Variants in AGL observed in about 807,000 individuals in gnomAD.
AGL encodes the protein glycogen debranching enzyme.
A neutral mutation model predicts 199.3 loss-of-function variants in AGL; 128 were observed. That is an observed-to-expected ratio of 0.64 (90% CI 0.56 to 0.74). The LOEUF (loss-of-function observed/expected upper bound fraction) is 0.74, where lower values mean the gene tolerates loss of function less well. AGL is among the 30% of genes least tolerant of loss of function. AGL has a pLI of 0.00. For missense variants in AGL, 1,809 were observed against 1,820.8 expected, an observed-to-expected ratio of 0.99 and a Z score of 0.12; for synonymous variants, 584 against 594.7, an observed-to-expected ratio of 0.98 and a Z score of 0.26.
chr1:99,886,550 T>C (rs1652470270), intron 20 of AGL, among the ~76,000 whole-genome samples: 1 of 152,192 alleles, frequency 6.6e-6, no homozygotes, highest in Admixed American at 6.5e-5. Flanking sequence ...TTCTTACAGA[T>C]TACTTGAGTA....
chr1:99,904,041 A>G (rs1161083144), intron 27 of AGL, among the ~76,000 whole-genome samples: 1 of 152,138 alleles, frequency 6.6e-6, no homozygotes, highest in Non-Finnish European at 1.5e-5. Context: ...TCACATAGCT[A>G]CTAAGTGGTA....
chr1:99,920,296 T>C (rs572518774), intron 33 of AGL, among the ~76,000 whole-genome samples: 10 of 152,312 alleles, frequency 6.6e-5, no homozygotes, highest in Non-Finnish European at 1.3e-4. Context: ...CTGAAGGCAT[T>C]AGGGAAAGGT....
intron 7 of AGL, 86 bp downstream of exon 7, chr1:99,870,955 A>G: frequency 1.3e-6 from 1 of 791,408 alleles, no homozygotes; most frequent in Admixed American, 2.3e-5. Flanking sequence ...TAACGTCATT[A>G]TTAAATATGT....
chr1:99,859,670 G>C (rs1255704168), intron 2 of AGL, among the ~76,000 whole-genome samples: 1 of 152,078 alleles, frequency 6.6e-6, no homozygotes, highest in Non-Finnish European at 1.5e-5. Context: ...CCAGCCTCCT[G>C]AGTAGTTGGG....
At chr1:99,903,375 A>G (rs900686062) in intron 27 of AGL, among the ~76,000 whole-genome samples, 2 of 152,076 alleles carry the variant, frequency 1.3e-5, no homozygotes, top group African/African-American at 4.8e-5. Context: ...TATGAGTGAG[A>G]ACATGCGGTG....
chr1:99,851,469 T>C (rs530685617), intron 2 of AGL, among the ~76,000 whole-genome samples: 4 of 152,344 alleles, frequency 2.6e-5, no homozygotes, highest in African/African-American at 9.6e-5. Flanking sequence ...TCATATGTAA[T>C]TTTGCTTTGG....
chr1:99,863,987 G>C (rs1422429162), intron 4 of AGL, among the ~76,000 whole-genome samples: 2 of 152,048 alleles, frequency 1.3e-5, no homozygotes, highest in Non-Finnish European at 2.9e-5. Context: ...CATGAAGAAA[G>C]GAATGAGAAG....
chr1:99,892,582 G>A lies in AGL; in HGVS notation c.3234G>A (p.Glu1078=), dbSNP rs147184258. The A allele has an allele frequency of 1.9e-6, 3 of 1,613,354 alleles. No homozygotes were observed. The highest frequency in any genetic ancestry group is 2.7e-5 in the African/African-American group (2 of 74,890). The change falls in exon 24 of 34, where the codon GAG becomes GAA. Residue 1078 remains glutamate, a synonymous_variant. Coordinates refer to ENST00000361915, the MANE Select transcript of AGL (RefSeq NM_000642.3). ...TAAATGAGATCACAAAAGAAAAGGAGCAATGTTGTGTTTCTCTAGCTGCAG... is the reference window on the plus strand; with the variant it reads ...TAAATGAGATCACAAAAGAAAAGGAACAATGTTGTGTTTCTCTAGCTGCAG... The part of the protein sequence containing the change: ...YRLNEITKEK[E]QCCVSLAAGL...
rs1432024176 is a variant in AGL, at chr1:99,896,375, T to TA, written c.3350dup (p.Tyr1117Ter). Residue 1117 changes from tyrosine to a stop codon, truncating the protein, a stop_gained and frameshift_variant, in exon 25 of 34, where the codon TAT becomes TAAT. Transcript: ENST00000361915. LOFTEE classifies it high-confidence loss of function. ...AGGTATACTGCTGATTACTGGACGC[T>TA]ATGTAGAAGCCAGGTAGGAGAGCCT... The part of the protein sequence containing the change: ...LRGILLITGR[Y>*]VEARNIILAF... 6.2e-7 allele frequency: 1 copy of TA among 1,613,210 alleles called. No homozygotes were observed. Among genetic ancestry groups the TA allele is most frequent in the African/African-American group, 1.3e-5 (1 of 74,930 alleles).
chr1:99,859,795 G>A (rs1413087151), intron 2 of AGL, among the ~76,000 whole-genome samples: 2 of 152,158 alleles, frequency 1.3e-5, no homozygotes, highest in Non-Finnish European at 2.9e-5. Context: ...TCTCGCCTCG[G>A]CCTCCCAGAG....
chr1:99,881,649 A>G lies in AGL; in HGVS notation c.2266A>G (p.Thr756Ala), dbSNP rs781371440. 6.2e-7 allele frequency: 1 copy of G among 1,613,910 alleles called. No homozygotes were observed. Among genetic ancestry groups the G allele is most frequent in the Non-Finnish European group, 8.5e-7 (1 of 1,179,928 alleles). ...TAGAACTGCTTTCAGGAATCCCAAG[A>G]CTTCATTTTACAGCAAGGAAGTGCC... is the stretch of plus-strand genomic sequence containing the variant. ...VSRTAFRNPK[T>A]SFYSKEVPQM... Residue 756 changes from threonine to alanine, a missense_variant, in exon 17 of 34, where the codon ACT becomes GCT. Transcript: ENST00000361915.
At chr1:99,850,661 T>G (rs1648876555) in intron 1 of AGL, 1 of 256,356 alleles carries the variant, frequency 3.9e-6, no homozygotes, top group South Asian at 4.6e-5. Flanking sequence ...CCCTGTGGCT[T>G]GGGGCTGGGA....
chr1:99,881,477 G>A (rs1652021227), intron 16 of AGL, 30 bp downstream of exon 16: 2 of 1,613,974 alleles, frequency 1.2e-6, no homozygotes, highest in Non-Finnish European at 1.7e-6. Context: ...GTTTCTTCAG[G>A]TTCAATTTCA....
intron 22 of AGL, 34 bp from the exon 23 acceptor site, chr1:99,891,572 A>T: frequency 6.2e-7 from 1 of 1,612,006 alleles, no homozygotes; most frequent in Non-Finnish European, 8.5e-7. Flanking sequence ...CTGTACACAT[A>T]CCAAATTAAC....
chr1:99,857,847 A>AGAGGGAGGCCGGGGGG (rs1557743553), intron 2 of AGL, among the ~76,000 whole-genome samples: 2 of 8,226 alleles, frequency 2.4e-4, no homozygotes, highest in African/African-American at 4.8e-4. Flanking sequence ...GGGGAGGGGG[A>AGAGGGAGGCCGGGGGG]GGGGGGAAGA....
At chr1:99,912,575 C>T in intron 29 of AGL, 58 bp downstream of exon 29, 1 of 1,207,336 alleles carries the variant, frequency 8.3e-7, no homozygotes, top group Non-Finnish European at 1.2e-6. Context: ...TATTCTCAAC[C>T]TATGTAATCA....
At chr1:99,887,275 G>T (rs928902923) in intron 20 of AGL, among the ~76,000 whole-genome samples, 3 of 152,174 alleles carry the variant, frequency 2.0e-5, no homozygotes, top group Non-Finnish European at 2.9e-5. Flanking sequence ...CTGTATTCAG[G>T]TGTGGTCAGT....
At chr1:99,911,467 G>A (rs2100851309) in intron 28 of AGL, among the ~76,000 whole-genome samples, 1 of 151,888 alleles carries the variant, frequency 6.6e-6, no homozygotes, top group South Asian at 2.1e-4. Context: ...TTGAAAGAGA[G>A]AGCCTCACTC....
intron 17 of AGL, 123 bp downstream of exon 17, chr1:99,881,814 G>C: frequency 2.1e-6 from 2 of 970,664 alleles, no homozygotes; most frequent in Non-Finnish European, 2.9e-6. Context: ...TACTGTGGAC[G>C]TACTTGAGAA....
Sources: allele counts gnomAD v4.1 joint callset (sites outside exome capture counted in the v4.1 genomes callset), GRCh38; gene constraint gnomAD v4.1.1; transcripts MANE v1.5; gene names NCBI Gene and HGNC (gene_info 2026-07-23, HGNC 2026-07-21).